Variants in CACNA1H observed in about 807,000 individuals in gnomAD.
The protein encoded by CACNA1H is calcium voltage-gated channel subunit alpha1 H.
Under a neutral mutation model 192.5 loss-of-function variants are expected in CACNA1H, and 149 were observed. That is an observed-to-expected ratio of 0.77 (90% CI 0.68 to 0.89). CACNA1H has a LOEUF of 0.89. Among genes scored for constraint, CACNA1H ranks in the 40% least tolerant of loss-of-function variants. CACNA1H has a pLI of 0.00. For synonymous variants in CACNA1H, 2,202 were observed against 1,475.2 expected (o/e 1.49, Z -11.29); for missense variants, 4,257 against 3,423.5 (o/e 1.24, Z -6.08).
At chr16:1,203,644 C>G (rs1235826484) in intron 9 of CACNA1H, among the ~76,000 whole-genome samples, 1 of 152,206 alleles carries the variant, frequency 6.6e-6, no homozygotes, top group East Asian at 1.9e-4. Flanking sequence ...GTTGCTTCCT[C>G]TGGAGGCTCT....
At position 1,205,271 on chromosome 16, in the gene CACNA1H, TC is replaced by T; in HGVS notation, c.2603+10del. 2 of 1,593,252 alleles carry T rather than the reference TC, an allele frequency of 1.3e-6. No individual in the cohort carries two copies. The highest frequency in any genetic ancestry group is 1.7e-6 in the Non-Finnish European group (2 of 1,164,928). ...GGCATCATCGTGGTCATCAGGTGGG[TC>T]CCCACCCTCTCCCCAGGAAGAGGGG... On this transcript the variant is annotated splice_region_variant and intron_variant, in intron 11 of 34. Transcript: ENST00000348261.
intron 7 of CACNA1H, 26 bp from the exon 8 acceptor site, chr16:1,200,690 C>T: frequency 2.6e-6 from 4 of 1,565,728 alleles, no homozygotes; most frequent in Non-Finnish European, 3.5e-6. Flanking sequence ...GTCGTGCGGG[C>T]CCAAGTCAAG....
rs151135885 is a variant in CACNA1H at position 1,196,506 on chromosome 16, T to G, written c.643+483T>G. The stretch of plus-strand genomic sequence containing the variant: ...GACACCTGTCCTGAGGACACCTCGC[T>G]CTCCCCACCCGCCACTGCTTCTGGC... On this transcript the variant is annotated intron_variant, in intron 5 of 34. Transcript: ENST00000348261. Among the ~76,000 whole-genome samples the G allele has an allele frequency of 3.6e-3, 544 of 151,810 alleles. 3 individuals are homozygous for G. Among genetic ancestry groups the G allele is most frequent in the African/African-American group, 0.012 (514 of 41,370 alleles).
At position 1,170,675 on chromosome 16, in the gene CACNA1H, G is replaced by C. The variant is rs546419725; in HGVS notation, c.299+16639G>C. Among the ~76,000 whole-genome samples the C allele has an allele frequency of 5.3e-5, 8 of 152,214 alleles. No individual in the cohort carries two copies. The East Asian group carries it at 1.6e-3, about 30-fold the overall frequency. On this transcript the variant is annotated intron_variant, in intron 2 of 34. Transcript: ENST00000348261. ...CGACCGAGTTTGTGGGGCCCTCCTC[G>C]TGCCCCCACGATCTGGACAGGGATT...
chr16:1,218,947 G>T, intron 33 of CACNA1H, 23 bp from the exon 34 acceptor site: 1 of 1,548,922 alleles, frequency 6.5e-7, no homozygotes, highest in Non-Finnish European at 8.7e-7. Flanking sequence ...AGAGCTGCCA[G>T]CTTAGATTCT....
intron 25 of CACNA1H, 122 bp from the exon 26 acceptor site, chr16:1,212,389 G>A (rs1596462134): frequency 9.0e-7 from 1 of 1,114,680 alleles, no homozygotes; most frequent in East Asian, 2.6e-5. Context: ...TCCCCACCGA[G>A]TCCTCACTCC....
chr16:1,186,241 G>GT (rs1966044163), intron 2 of CACNA1H, among the ~76,000 whole-genome samples: 1 of 151,932 alleles, frequency 6.6e-6, no homozygotes. Flanking sequence ...GGGAGAGCCT[G>GT]TTTCCTTAGT....
chr16:1,185,158 C>T (rs1299998316), intron 2 of CACNA1H, among the ~76,000 whole-genome samples: 1 of 152,208 alleles, frequency 6.6e-6, no homozygotes, highest in Non-Finnish European at 1.5e-5. Flanking sequence ...TTCCCGGGTT[C>T]ACCTGTGTTG....
rs1308912424 is a variant in CACNA1H at position 1,201,658 on chromosome 16, C to A, written c.1213-5C>A. On this transcript the variant is annotated splice_region_variant and splice_polypyrimidine_tract_variant and intron_variant, in intron 8 of 34. Coordinates refer to ENST00000348261, the MANE Select transcript of CACNA1H (RefSeq NM_021098.3). ...CTGCCACTTACCCGCCCGCCCCCGT[C>A]ACAGGTGGGCTCCTTCTTCATGATC... The A allele has an allele frequency of 2.5e-6, 4 of 1,585,416 alleles. No individual in the cohort carries two copies. The highest frequency in any genetic ancestry group is 3.4e-5 in the Admixed American group (2 of 58,044).
chr16:1,220,885 C>T lies in CACNA1H; in HGVS notation c.6953C>T (p.Pro2318Leu). ...SEPPMPVGDP[P>L]EKRRGLYLTV... ...CCTCCCATGCCCGTCGGTGACCCCC[C>T]AGAGAAGAGGCGGGGGCTGTACCTC... The change falls in exon 35 of 35, where the codon CCA (proline) becomes CTA (leucine). Residue 2318 changes from proline (P) to leucine (L), a missense_variant. Transcript: ENST00000348261. The T allele has an allele frequency of 6.2e-7, 1 of 1,612,626 alleles. No individual in the cohort carries two copies. Among genetic ancestry groups the T allele is most frequent in the African/African-American group, 1.3e-5 (1 of 75,030 alleles).
At chr16:1,186,462 A>G (rs1288028445) in intron 2 of CACNA1H, among the ~76,000 whole-genome samples, 2 of 152,162 alleles carry the variant, frequency 1.3e-5, no homozygotes, top group East Asian at 3.9e-4. Flanking sequence ...GTGAACGTCA[A>G]AGGGTCACTG....
In CACNA1H at chr16:1,220,454, G is replaced by A; in HGVS notation, c.6522G>A (p.Glu2174=). Residue 2174 remains glutamate, a synonymous_variant, in exon 35 of 35, where the codon GAG becomes GAA. Coordinates refer to ENST00000348261, the MANE Select transcript of CACNA1H (RefSeq NM_021098.3). The part of the protein sequence containing the change: ...EPGEAKAWGP[E]AEPALGARRK... ...GGGAGGCGAAGGCCTGGGGCCCTGAGGCCGAGCCCGCTCTGGGTGCGCGCA... is the reference window on the plus strand; with the variant it reads ...GGGAGGCGAAGGCCTGGGGCCCTGAAGCCGAGCCCGCTCTGGGTGCGCGCA... The A allele has an allele frequency of 6.5e-7, 1 of 1,543,242 alleles. No homozygotes were observed. The highest frequency in any genetic ancestry group is 8.7e-7 in the Non-Finnish European group (1 of 1,153,650).
At position 1,210,783 on chromosome 16, in the gene CACNA1H, G is replaced by A. The variant is rs57315342; in HGVS notation, c.4039-4G>A. 5,579 of 1,599,932 alleles carry A rather than the reference G, an allele frequency of 3.5e-3. 39 individuals carry two copies. Among genetic ancestry groups the A allele is most frequent in the Middle Eastern group, 0.012 (73 of 6,044 alleles). ...CTGAGCTCAGTGCCATTGGCCCTCC[G>A]CAGGTGGTGGCCCTGGGGCTGCTGT... is the stretch of plus-strand genomic sequence containing the variant. On this transcript the variant is annotated splice_region_variant and splice_polypyrimidine_tract_variant and intron_variant, in intron 20 of 34. Transcript: ENST00000348261.
At position 1,198,793 on chromosome 16, in the gene CACNA1H, C is replaced by T. The variant is rs538938996; in HGVS notation, c.803+19C>T. ...TTGTCAGGTGCCCAGGCCCCACCCC[C>T]GTGAGGCCCCTGCCCAGATGGCCCT... is the stretch of plus-strand genomic sequence containing the variant. On this transcript the variant is annotated intron_variant, in intron 6 of 34. Transcript: ENST00000348261. 41 of 1,599,518 alleles carry T rather than the reference C, an allele frequency of 2.6e-5. No homozygotes were observed. In the Middle Eastern group the frequency reaches 4.0e-3, roughly 155 times the overall value.
intron 2 of CACNA1H, among the ~76,000 whole-genome samples, chr16:1,161,443 C>T (rs1471682756): frequency 6.6e-6 from 1 of 152,204 alleles, no homozygotes; most frequent in African/African-American, 2.4e-5. Flanking sequence ...GGCCTGAGGA[C>T]TGAGGTGGGG....
Position 1,180,035 on chromosome 16 carries a change from C to T in CACNA1H, c.300-14937C>T, listed in dbSNP as rs1170550838. Among the ~76,000 whole-genome samples, 14 of 152,304 alleles carry T rather than the reference C, an allele frequency of 9.2e-5. No homozygotes were observed. The highest frequency in any genetic ancestry group is 6.2e-4 in the South Asian group (3 of 4,828). On this transcript the variant is annotated intron_variant, in intron 2 of 34. Coordinates refer to ENST00000348261, the MANE Select transcript of CACNA1H (RefSeq NM_021098.3). This position sits in a 1 kb window ranked among gnomAD's most constrained non-coding sequence, Gnocchi z 4.4. ...CAGGCGTGAGCCACCATGCCCGGCC[C>T]GGCCTTGTTTTTTAATATACATCTG...
At chr16:1,189,867 T>G (rs1200817500) in intron 2 of CACNA1H, among the ~76,000 whole-genome samples, 1 of 152,192 alleles carries the variant, frequency 6.6e-6, no homozygotes, top group Non-Finnish European at 1.5e-5. Flanking sequence ...GTTTTCATCG[T>G]TACGAGCCCC....
At chr16:1,219,920 C>T (rs1970348040) in intron 34 of CACNA1H, 61 bp from the exon 35 acceptor site, 11 of 1,229,048 alleles carry the variant, frequency 9.0e-6, no homozygotes, top group Non-Finnish European at 1.0e-5. Flanking sequence ...TCTCCGAGCC[C>T]TGGCCACTGA....
chr16:1,216,073 C>T (rs538295576), intron 30 of CACNA1H, among the ~76,000 whole-genome samples: 5 of 152,318 alleles, frequency 3.3e-5, no homozygotes, highest in South Asian at 2.1e-4. Flanking sequence ...CCGTCCGTAG[C>T]CTCTAGTCCA....
Sources: gnomAD v4.1 joint callset for allele counts (sites outside exome capture counted in the v4.1 genomes callset) on GRCh38, gnomAD v4.1.1 for gene constraint, Gnocchi (gnomAD v3.1) non-coding constraint, MANE v1.5 for transcripts, NCBI Gene and HGNC (gene_info 2026-07-23, HGNC 2026-07-21) for gene names.